YEATS2: variants seen among roughly 807,000 people sequenced by gnomAD.
YEATS2 encodes YEATS domain-containing protein 2.
YEATS2 carries 77 observed loss-of-function variants against 163.2 expected under a neutral mutation model. The observed-to-expected ratio is 0.47, with a 90% CI of 0.39 to 0.57. YEATS2 has a LOEUF of 0.57. Ranked by LOEUF, YEATS2 falls within the 20% of genes least tolerant of loss-of-function variation. The pLI, the probability that YEATS2 is intolerant of heterozygous loss-of-function variation, is 0.00. For synonymous variants in YEATS2, 631 were observed against 645.1 expected (o/e 0.98, Z 0.33); for missense variants, 1,549 against 1,729.8 (o/e 0.90, Z 1.85).
At chr3:183,802,340 T>C (rs1427103898) in intron 25 of YEATS2, 1 of 152,764 alleles carries the variant, frequency 6.5e-6, no homozygotes, top group East Asian at 1.9e-4. Context: ...ACCACCTACT[T>C]ATTTTTTCCA....
chr3:183,784,842 G>A (rs911656265), intron 19 of YEATS2, among the ~76,000 whole-genome samples: 1 of 151,488 alleles, frequency 6.6e-6, no homozygotes, highest in African/African-American at 2.4e-5. Flanking sequence ...GGGAGGCTGA[G>A]ACGGGCGGAT....
In YEATS2 at chr3:183,721,931, C is replaced by G. The variant is rs778081382; in HGVS notation, c.332C>G (p.Ala111Gly). 13 of 1,614,138 alleles carry G rather than the reference C, an allele frequency of 8.1e-6. No homozygotes were observed. The African/African-American group carries it at 1.5e-4, about 18-fold the overall frequency. Residue 111 changes from alanine (A) to glycine (G), a missense_variant, in exon 5 of 31, where the codon GCT becomes GGT. Coordinates refer to ENST00000305135, the MANE Select transcript of YEATS2 (RefSeq NM_018023.5). ...GATACAATGGTTTTTAATCATCCTG[C>G]TATCAAGAAATTTTTGGAATCACCA... is the stretch of plus-strand genomic sequence containing the variant. ...TCDTMVFNHP[A>G]IKKFLESPSR...
chr3:183,708,370 G>A (rs1714841209), intron 1 of YEATS2, among the ~76,000 whole-genome samples: 1 of 151,708 alleles, frequency 6.6e-6, no homozygotes. Flanking sequence ...CCATGTTGTT[G>A]GCCACATCTT....
chr3:183,755,741 C>CTTTTTTTTTTTTTTTTTTTTTTTTTT (rs57050296), intron 11 of YEATS2, among the ~76,000 whole-genome samples: 4 of 82,220 alleles, frequency 4.9e-5, no homozygotes, highest in African/African-American at 1.8e-4. Flanking sequence ...TCCTTCCTTT[C>CTTTTTTTTTTTTTTTTTTTTTTTTTT]TTTTTTTTTT....
At chr3:183,751,427 A>G (rs781105137) in intron 9 of YEATS2, among the ~76,000 whole-genome samples, 10 of 152,226 alleles carry the variant, frequency 6.6e-5, no homozygotes, top group Non-Finnish European at 1.0e-4. Context: ...ATAATCAGCA[A>G]TAGCCATTTA....
chr3:183,763,246 G>A (rs184295498), intron 15 of YEATS2, among the ~76,000 whole-genome samples: 138 of 152,224 alleles, frequency 9.1e-4, no homozygotes, highest in African/African-American at 3.3e-3. Flanking sequence ...AGGCTGTATG[G>A]TGTGGCCTAT....
At chr3:183,808,758 A>C in intron 29 of YEATS2, 1 of 181,564 alleles carries the variant, frequency 5.5e-6, no homozygotes, top group South Asian at 9.6e-5. Flanking sequence ...TGGGAGGCTG[A>C]GGCAGGAGAA....
intron 14 of YEATS2, 150 bp from the exon 15 acceptor site, chr3:183,761,947 G>A (rs1468599662): frequency 1.6e-5 from 17 of 1,046,892 alleles, no homozygotes; most frequent in Non-Finnish European, 2.3e-5. Context: ...TAAGCAGTAT[G>A]TATATTTACC....
chr3:183,741,019 A>C (rs576050333), intron 8 of YEATS2, among the ~76,000 whole-genome samples: 1 of 151,998 alleles, frequency 6.6e-6, no homozygotes, highest in Non-Finnish European at 1.5e-5. Flanking sequence ...GCTCACTGCA[A>C]CCTTTGTATC....
rs547118384 is a variant in YEATS2, at chr3:183,758,764, A to G, written c.1553-98A>G. ...AGTTTTCAACCCTTAAACATGAAAA[A>G]TAAATAGTGCGAAAGAGGGGAGGAT... On this transcript the variant is annotated intron_variant, in intron 12 of 30. Transcript: ENST00000305135. 9.5e-5 allele frequency: 84 copies of G among 887,054 alleles called. No homozygotes were observed. In the African/African-American group the frequency reaches 1.3e-3, roughly 14 times the overall value. 54.9% of individuals were successfully genotyped at this position (887,054 alleles called of 1,614,324 possible). A position where few individuals can be genotyped will look rare whatever the true frequency, so the allele number is the denominator to read the frequency against.
chr3:183,790,676 A>G, intron 20 of YEATS2, 121 bp from the exon 21 acceptor site: 1 of 1,026,676 alleles, frequency 9.7e-7, no homozygotes, highest in South Asian at 1.7e-5. Flanking sequence ...GGCATTTACT[A>G]AGTAGTCATT....
At chr3:183,804,847 G>T (rs928299369) in intron 27 of YEATS2, among the ~76,000 whole-genome samples, 2 of 152,112 alleles carry the variant, frequency 1.3e-5, no homozygotes, top group Non-Finnish European at 2.9e-5. Context: ...AATTAGCTGG[G>T]CGTGGTGGCC....
intron 21 of YEATS2, among the ~76,000 whole-genome samples, chr3:183,794,017 G>A (rs1370262803): frequency 6.6e-6 from 1 of 152,172 alleles, no homozygotes; most frequent in Non-Finnish European, 1.5e-5. Flanking sequence ...AGGTCTCATT[G>A]GGACAGAAGC....
chr3:183,741,470 T>G (rs754312385), intron 8 of YEATS2, among the ~76,000 whole-genome samples: 19 of 152,156 alleles, frequency 1.2e-4, no homozygotes, highest in South Asian at 8.3e-4. Context: ...CATTGATAAT[T>G]CACCTGGTCA....
chr3:183,752,091 C>T lies in YEATS2; in HGVS notation c.988C>T (p.His330Tyr). 6.2e-7 allele frequency: 1 copy of T among 1,614,070 alleles called. No individual in the cohort carries two copies. Among genetic ancestry groups the T allele is most frequent in the Non-Finnish European group, 8.5e-7 (1 of 1,180,010 alleles). Residue 330 changes from histidine (H) to tyrosine (Y), a missense_variant, in exon 10 of 31, where the codon CAT (histidine) becomes TAT (tyrosine). Physicochemically the swap from His to Tyr is moderately conservative, Grantham distance 83. Coordinates refer to ENST00000305135, the MANE Select transcript of YEATS2 (RefSeq NM_018023.5). ...TGTCTAGGTAGTGGATGTTGAACTC[C>T]ATCGCCATTCTCTCGGAGAAGACTG... ...GAETVVDVEL[H>Y]RHSLGEDCIY...
At chr3:183,758,698 C>T (rs1721021866) in intron 12 of YEATS2, among the ~76,000 whole-genome samples, 164 bp from the exon 13 acceptor site, 1 of 120,150 alleles carries the variant, frequency 8.3e-6, no homozygotes, top group Non-Finnish European at 1.9e-5. Context: ...GGGATGGGTC[C>T]TTAAGGGTTT....
intron 1 of YEATS2, among the ~76,000 whole-genome samples, chr3:183,701,349 T>C (rs564322651): frequency 1.6e-4 from 24 of 151,958 alleles, no homozygotes; most frequent in African/African-American, 5.6e-4. Context: ...GGCCTCCCAG[T>C]GCTGGGATTA....
intron 1 of YEATS2, among the ~76,000 whole-genome samples, chr3:183,699,294 G>A (rs565440715): frequency 6.6e-6 from 1 of 151,934 alleles, no homozygotes; most frequent in South Asian, 2.1e-4. Context: ...TTTGAGGTGG[G>A]AAAAACGAAT....
At chr3:183,747,891 T>A (rs1049670690) in intron 9 of YEATS2, among the ~76,000 whole-genome samples, 175 bp downstream of exon 9, 4 of 151,884 alleles carry the variant, frequency 2.6e-5, no homozygotes, top group Admixed American at 1.3e-4. Flanking sequence ...GTGATTCTCC[T>A]ACCTCAGCCT....
Sources: gnomAD v4.1 joint callset for allele counts (sites outside exome capture counted in the v4.1 genomes callset) on GRCh38, gnomAD v4.1.1 for gene constraint, MANE v1.5 for transcripts, NCBI Gene and HGNC (gene_info 2026-07-23, HGNC 2026-07-21) for gene names.